Variants in GALNTL6 observed in about 807,000 individuals in gnomAD.
GALNTL6 encodes the protein polypeptide N-acetylgalactosaminyltransferase like 6.
A neutral mutation model predicts 73.7 loss-of-function variants in GALNTL6; 46 were observed. The ratio of observed to expected loss-of-function variants is 0.62; its 90% CI spans 0.49 to 0.80. GALNTL6 has a LOEUF of 0.80. Among genes scored for constraint, GALNTL6 ranks in the 30% least tolerant of loss-of-function variants. The pLI is 0.00. For missense variants in GALNTL6, 604 were observed against 755.0 expected (o/e 0.80, Z 2.34); for synonymous variants, 259 against 263.7 (o/e 0.98, Z 0.17).
chr4:172,325,127 A>C (rs1740898002), intron 4 of GALNTL6, among the ~76,000 whole-genome samples: 1 of 151,858 alleles, frequency 6.6e-6, no homozygotes, highest in Non-Finnish European at 1.5e-5. Context: ...AAAGAGAACA[A>C]CACATTATTA....
Position 172,948,552 on chromosome 4 carries a change from A to G in GALNTL6, c.1150-3485A>G, listed in dbSNP as rs142560221. 8.0e-3 allele frequency among the ~76,000 whole-genome samples: 1,213 copies of G among 151,316 alleles called. 20 individuals are homozygous for G. Among genetic ancestry groups the G allele is most frequent in the African/African-American group, 0.028 (1,134 of 41,214 alleles). On this transcript the variant is annotated intron_variant, in intron 9 of 12. Coordinates refer to ENST00000506823, the MANE Select transcript of GALNTL6 (RefSeq NM_001034845.3). ...ACTGCAACCTCCACCTCTCGGGTTC[A>G]AGTGATTCTCCTGCCTCAGCCTCCC...
intron 10 of GALNTL6, among the ~76,000 whole-genome samples, chr4:172,981,159 T>C (rs1204355921): frequency 6.6e-6 from 1 of 152,248 alleles, no homozygotes; most frequent in Non-Finnish European, 1.5e-5. Flanking sequence ...GCTGTGTACA[T>C]AGGCATATAA....
At chr4:172,728,330 A>T (rs1470044434) in intron 5 of GALNTL6, among the ~76,000 whole-genome samples, 1 of 152,056 alleles carries the variant, frequency 6.6e-6, no homozygotes, top group Non-Finnish European at 1.5e-5. Context: ...TCTTCATGAG[A>T]TCCACTTTTT....
At chr4:172,430,928 C>T (rs1731427187) in intron 5 of GALNTL6, among the ~76,000 whole-genome samples, 1 of 152,144 alleles carries the variant, frequency 6.6e-6, no homozygotes, top group African/African-American at 2.4e-5. Flanking sequence ...TAAACTAGCA[C>T]AATCTTATTA....
At chr4:173,020,350 G>C (rs1484253581) in intron 11 of GALNTL6, among the ~76,000 whole-genome samples, 1 of 152,156 alleles carries the variant, frequency 6.6e-6, no homozygotes, top group Non-Finnish European at 1.5e-5. Context: ...GATAGAATGG[G>C]ATAATATAAT....
At chr4:172,176,897 T>C (rs1443782912) in intron 2 of GALNTL6, among the ~76,000 whole-genome samples, 2 of 152,140 alleles carry the variant, frequency 1.3e-5, no homozygotes, top group African/African-American at 2.4e-5. Flanking sequence ...CTAAACAGCT[T>C]ATTAATTATA....
chr4:172,433,860 C>T (rs976680586), intron 5 of GALNTL6, among the ~76,000 whole-genome samples: 5 of 152,118 alleles, frequency 3.3e-5, no homozygotes, highest in African/African-American at 7.2e-5. Context: ...TTGATTCAAA[C>T]ACATTTTTAG....
At chr4:172,120,902 A>G (rs1733131340) in intron 2 of GALNTL6, among the ~76,000 whole-genome samples, 1 of 152,074 alleles carries the variant, frequency 6.6e-6, no homozygotes, top group Non-Finnish European at 1.5e-5. Flanking sequence ...TAGTTTGCCT[A>G]TAAAACTGAA....
chr4:172,152,784 T>C (rs1210217036), intron 2 of GALNTL6, among the ~76,000 whole-genome samples: 3 of 151,990 alleles, frequency 2.0e-5, no homozygotes, highest in African/African-American at 7.2e-5. Context: ...AGCTTTAGTA[T>C]TTTTTTGTAG....
At chr4:172,162,668 A>G (rs1187001814) in intron 2 of GALNTL6, among the ~76,000 whole-genome samples, 4 of 152,068 alleles carry the variant, frequency 2.6e-5, no homozygotes, top group Admixed American at 2.6e-4. Context: ...TTGTGGCTAT[A>G]GATAATTTTG....
chr4:172,489,432 A>G (rs1385044032), intron 5 of GALNTL6, among the ~76,000 whole-genome samples: 2 of 152,262 alleles, frequency 1.3e-5, no homozygotes, highest in Non-Finnish European at 2.9e-5. Flanking sequence ...GTATGTAAAT[A>G]TGTATGTTAT....
At chr4:172,017,596 A>T (rs1741245143) in intron 2 of GALNTL6, among the ~76,000 whole-genome samples, 1 of 151,990 alleles carries the variant, frequency 6.6e-6, no homozygotes, top group Non-Finnish European at 1.5e-5. Flanking sequence ...GACGTTCCCT[A>T]CTATACCCAG....
intron 11 of GALNTL6, among the ~76,000 whole-genome samples, chr4:173,013,438 C>G (rs544062190): frequency 1.3e-5 from 2 of 152,034 alleles, no homozygotes; most frequent in Admixed American, 1.3e-4. Flanking sequence ...CAGTAATGCT[C>G]TAGAATGAAA....
intron 5 of GALNTL6, among the ~76,000 whole-genome samples, chr4:172,358,230 G>A (rs557095771): frequency 6.6e-6 from 1 of 152,286 alleles, no homozygotes; most frequent in Non-Finnish European, 1.5e-5. Flanking sequence ...CAAAGAACTG[G>A]ATATGAAGCT....
chr4:172,707,717 C>T (rs933585398), intron 5 of GALNTL6, among the ~76,000 whole-genome samples: 10 of 152,110 alleles, frequency 6.6e-5, no homozygotes, highest in African/African-American at 2.2e-4. Context: ...ACTCCAAATA[C>T]AGCAATGACA....
At chr4:172,414,291 T>A (rs1744543553) in intron 5 of GALNTL6, among the ~76,000 whole-genome samples, 1 of 152,174 alleles carries the variant, frequency 6.6e-6, no homozygotes, top group Non-Finnish European at 1.5e-5. Context: ...TCTTTGCTGC[T>A]TTTCGTACAG....
intron 2 of GALNTL6, among the ~76,000 whole-genome samples, chr4:172,223,617 A>G (rs1560977070): frequency 1.3e-5 from 2 of 152,100 alleles, no homozygotes; most frequent in East Asian, 3.9e-4. Flanking sequence ...TATCTAATAA[A>G]GTTTGAATAA....
At chr4:172,530,792 CAT>C (rs1226820164) in intron 5 of GALNTL6, among the ~76,000 whole-genome samples, 15 of 151,988 alleles carry the variant, frequency 9.9e-5, no homozygotes, top group Non-Finnish European at 1.3e-4. Flanking sequence ...ATAGAAATAA[CAT>C]TGGTGATTTT....
rs79452305 is a variant in GALNTL6, at chr4:172,998,073, A to G, written c.1372-11105A>G. Among the ~76,000 whole-genome samples the G allele has an allele frequency of 6.2e-3, 950 of 152,312 alleles. 10 individuals are homozygous for G. The highest frequency in any genetic ancestry group is 0.013 in the African/African-American group (531 of 41,566). On this transcript the variant is annotated intron_variant, in intron 10 of 12. Coordinates refer to ENST00000506823, the MANE Select transcript of GALNTL6 (RefSeq NM_001034845.3). The stretch of plus-strand genomic sequence containing the variant: ...GAGTAGTCCCAACAAGTCCCAGGGC[A>G]AGAGAGAGATGCCAAAGCAATTACA...
Sources: gnomAD v4.1 joint callset for allele counts (sites outside exome capture counted in the v4.1 genomes callset) on GRCh38, gnomAD v4.1.1 for gene constraint, MANE v1.5 for transcripts, NCBI Gene and HGNC (gene_info 2026-07-23, HGNC 2026-07-21) for gene names.